The following RIMS2 variants were observed in gnomAD, a reference collection of about 807,000 sequenced individuals.
The protein encoded by RIMS2 is regulating synaptic membrane exocytosis protein 2.
RIMS2 carries 59 observed loss-of-function variants against 174.4 expected under a neutral mutation model. The ratio of observed to expected loss-of-function variants is 0.34; its 90% CI spans 0.27 to 0.42. The LOEUF (loss-of-function observed/expected upper bound fraction) is 0.42. Among genes scored for constraint, RIMS2 ranks in the 10% least tolerant of loss-of-function variants. RIMS2 has a pLI of 1.00. For synonymous variants in RIMS2, 606 were observed against 572.5 expected (o/e 1.06, Z -0.84); for missense variants, 1,620 against 1,666.3 (o/e 0.97, Z 0.48).
intron 1 of RIMS2, among the ~76,000 whole-genome samples, chr8:103,582,963 T>C (rs942948500): frequency 6.6e-6 from 1 of 152,202 alleles, no homozygotes; most frequent in Non-Finnish European, 1.5e-5. Flanking sequence ...CATGGAGTGG[T>C]TGCAGCAGGC....
chr8:104,175,960 T>A (rs1208056005), intron 19 of RIMS2, among the ~76,000 whole-genome samples: 4 of 152,128 alleles, frequency 2.6e-5, no homozygotes, highest in Non-Finnish European at 5.9e-5. Flanking sequence ...GGACATGCTA[T>A]ATAGTAGGAT....
At chr8:104,064,064 C>A (rs1369215002) in intron 19 of RIMS2, among the ~76,000 whole-genome samples, 1 of 152,130 alleles carries the variant, frequency 6.6e-6, no homozygotes, top group African/African-American at 2.4e-5. Context: ...TCAACTATAT[C>A]TTTGGTTAAA....
At chr8:104,166,125 G>GGCGTGAT (rs1348101286) in intron 19 of RIMS2, among the ~76,000 whole-genome samples, 1 of 142,712 alleles carries the variant, frequency 7.0e-6, no homozygotes, top group African/African-American at 2.6e-5. Flanking sequence ...GGAGTGCAGT[G>GGCGTGAT]GCGTGATCTC....
intron 1 of RIMS2, among the ~76,000 whole-genome samples, chr8:103,555,856 T>C (rs1004637790): frequency 6.6e-6 from 1 of 151,252 alleles, no homozygotes; most frequent in African/African-American, 2.4e-5. Context: ...ACTATTTAAC[T>C]TTTAAAAAGA....
At chr8:103,650,494 T>C (rs1281429872) in intron 1 of RIMS2, among the ~76,000 whole-genome samples, 2 of 152,202 alleles carry the variant, frequency 1.3e-5, no homozygotes, top group African/African-American at 4.8e-5. Flanking sequence ...TCTGGACTGT[T>C]CGTATTCTCC....
intron 19 of RIMS2, among the ~76,000 whole-genome samples, chr8:104,192,060 A>G (rs1422285934): frequency 1.3e-5 from 2 of 152,224 alleles, no homozygotes; most frequent in Non-Finnish European, 2.9e-5. Context: ...GTATGGTTTT[A>G]CTATAAAGAG....
intron 3 of RIMS2, among the ~76,000 whole-genome samples, chr8:103,871,867 C>T (rs1163350253): frequency 6.6e-6 from 1 of 152,054 alleles, no homozygotes; most frequent in East Asian, 1.9e-4. Context: ...TTCTTTCTCT[C>T]CTACTGTCTT....
At chr8:103,966,162 GTC>G (rs1216865368) in intron 15 of RIMS2, among the ~76,000 whole-genome samples, 1 of 152,086 alleles carries the variant, frequency 6.6e-6, no homozygotes, top group African/African-American at 2.4e-5. Flanking sequence ...TTAGAGAGTA[GTC>G]TCTCTGATTC....
intron 1 of RIMS2, among the ~76,000 whole-genome samples, chr8:103,512,208 T>G (rs185123424): frequency 1.3e-5 from 2 of 152,284 alleles, no homozygotes; most frequent in East Asian, 3.9e-4. Context: ...AAGTCCTTTC[T>G]TCCTTTAATG....
intron 19 of RIMS2, among the ~76,000 whole-genome samples, chr8:104,180,817 T>A (rs566664936): frequency 3.3e-5 from 5 of 151,848 alleles, no homozygotes; most frequent in African/African-American, 1.2e-4. Flanking sequence ...ATTAATAAAG[T>A]AACTAGGACA....
chr8:103,573,066 A>ATT (rs35148115), intron 1 of RIMS2, among the ~76,000 whole-genome samples: 11 of 149,502 alleles, frequency 7.4e-5, no homozygotes, highest in African/African-American at 2.0e-4. Context: ...CTTCAATCCA[A>ATT]TTTTTTTTTT....
chr8:103,969,112 C>CTTCTTT (rs2092543610), intron 15 of RIMS2, among the ~76,000 whole-genome samples: 1 of 151,646 alleles, frequency 6.6e-6, no homozygotes, highest in Non-Finnish European at 1.5e-5. Context: ...GGAGTGTTTT[C>CTTCTTT]TTCTTTTTCT....
chr8:103,768,346 CA>C, intron 3 of RIMS2: 1 of 698,368 alleles, frequency 1.4e-6, no homozygotes. Flanking sequence ...ATGATAAACG[CA>C]AACTCTGCAC....
At chr8:103,555,838 A>G (rs1049293942) in intron 1 of RIMS2, among the ~76,000 whole-genome samples, 1 of 151,916 alleles carries the variant, frequency 6.6e-6, no homozygotes, top group Non-Finnish European at 1.5e-5. Context: ...ATAAATGCAC[A>G]GTGGAATACT....
At chr8:103,798,083 C>T (rs1216035009) in intron 3 of RIMS2, among the ~76,000 whole-genome samples, 9 of 151,922 alleles carry the variant, frequency 5.9e-5, no homozygotes, top group African/African-American at 2.2e-4. Context: ...GGTACATAGT[C>T]TACAATATTG....
At chr8:104,026,321 A>C (rs2096256594) in intron 19 of RIMS2, among the ~76,000 whole-genome samples, 1 of 152,204 alleles carries the variant, frequency 6.6e-6, no homozygotes, top group African/African-American at 2.4e-5. Flanking sequence ...AAAAAGTAAG[A>C]ATTTTTGGAG....
chr8:104,167,234 C>T (rs535258131), intron 19 of RIMS2, among the ~76,000 whole-genome samples: 1 of 152,308 alleles, frequency 6.6e-6, no homozygotes, highest in South Asian at 2.1e-4. Context: ...TACATTCCCA[C>T]CAGCAGTGTA....
intron 17 of RIMS2, among the ~76,000 whole-genome samples, chr8:103,996,369 A>T (rs922573169): frequency 6.6e-6 from 1 of 152,024 alleles, no homozygotes; most frequent in African/African-American, 2.4e-5. Flanking sequence ...TTCTAGTCTC[A>T]CAATGAACAT....
Position 103,587,652 on chromosome 8 carries a change from G to A in RIMS2, c.176+86590G>A, listed in dbSNP as rs373505085. Among the ~76,000 whole-genome samples the A allele has an allele frequency of 3.4e-4, 51 of 151,932 alleles. 1 individual carries two copies. In the South Asian group the frequency reaches 7.7e-3, roughly 23 times the overall value. On this transcript the variant is annotated intron_variant, in intron 1 of 23. Transcript: ENST00000504942. Reference sequence around the variant, plus strand: ...GATACCTCATATCAAGAGAATAAAGGATAAAAACCATATGATCATTTTAAT... The same window carrying A: ...GATACCTCATATCAAGAGAATAAAGAATAAAAACCATATGATCATTTTAAT...
Sources: allele counts gnomAD v4.1 joint callset (sites outside exome capture counted in the v4.1 genomes callset), GRCh38; gene constraint gnomAD v4.1.1; transcripts MANE v1.5; gene names NCBI Gene and HGNC (gene_info 2026-07-23, HGNC 2026-07-21).